Variants in MAPKAPK2 observed in about 807,000 individuals in gnomAD.
MAPKAPK2 encodes MAP kinase-activated protein kinase 2.
A neutral mutation model predicts 48.8 loss-of-function variants in MAPKAPK2; 9 were observed. The ratio of observed to expected loss-of-function variants is 0.18; its 90% CI spans 0.11 to 0.32. The LOEUF is 0.32. Ranked by LOEUF, MAPKAPK2 falls within the 10% of genes least tolerant of loss-of-function variation. The pLI is 1.00. For missense variants in MAPKAPK2, 331 were observed against 498.3 expected, an observed-to-expected ratio of 0.66 and a Z score of 3.20; for synonymous variants, 202 against 190.6, an observed-to-expected ratio of 1.06 and a Z score of -0.49.
At chr1:206,685,728 C>T (rs1165185066) in intron 1 of MAPKAPK2, among the ~76,000 whole-genome samples, 5 of 150,932 alleles carry the variant, frequency 3.3e-5, no homozygotes, top group Non-Finnish European at 5.9e-5. Context: ...CGGGCGGGAG[C>T]CCTGGGACCC....
Position 206,732,819 on chromosome 1 carries a change from C to T in MAPKAPK2, c.*101C>T, listed in dbSNP as rs1202833242. The T allele has an allele frequency of 1.0e-5, 14 of 1,352,932 alleles. No homozygotes were observed. Among genetic ancestry groups the T allele is most frequent in the Non-Finnish European group, 1.4e-5 (14 of 981,748 alleles). 83.8% of individuals were successfully genotyped at this position (1,352,932 alleles called of 1,614,324 possible). On this transcript the variant is annotated 3_prime_UTR_variant, in exon 10 of 10. Coordinates refer to ENST00000367103, the MANE Select transcript of MAPKAPK2 (RefSeq NM_032960.4). The surrounding 1 kb of genome is among the most constrained non-coding windows in gnomAD (Gnocchi z 4.4). ...GAACTGTCCACATCTGCCTCCTCTC[C>T]TCCTCAGCTGCATGGAGCCTGGAAC...
At chr1:206,720,849 A>G (rs911819987) in intron 1 of MAPKAPK2, among the ~76,000 whole-genome samples, 4 of 152,224 alleles carry the variant, frequency 2.6e-5, no homozygotes, top group Admixed American at 6.5e-5. Flanking sequence ...AATGACAGTG[A>G]TGATACCTGA....
At chr1:206,697,591 C>T (rs1553427251) in intron 1 of MAPKAPK2, among the ~76,000 whole-genome samples, 4 of 152,176 alleles carry the variant, frequency 2.6e-5, no homozygotes, top group African/African-American at 9.6e-5. Context: ...GAACTCAGAG[C>T]GAGAACTCAC....
At position 206,733,603 on chromosome 1, in the gene MAPKAPK2, C is replaced by G. The variant is rs1674010787; in HGVS notation, c.*885C>G. 6.6e-6 allele frequency: 1 copy of G among 152,538 alleles called. No homozygotes were observed. Among genetic ancestry groups the G allele is most frequent in the African/African-American group, 2.4e-5 (1 of 41,452 alleles). The allele number at this position is 152,538 out of a possible 1,614,324, so 9.4% of individuals were successfully genotyped here. A position where few individuals can be genotyped will look rare whatever the true frequency, so the allele number is the denominator to read the frequency against. ...CCCAGCCCCCAGGGCCCCCCTCCCC[C>G]CACTTAGTGCTGGTCCTAGGTCCTC... On this transcript the variant is annotated 3_prime_UTR_variant, in exon 10 of 10. Coordinates refer to ENST00000367103, the MANE Select transcript of MAPKAPK2 (RefSeq NM_032960.4).
In MAPKAPK2 at chr1:206,731,954, T is replaced by G; in HGVS notation, c.1059+35T>G. On this transcript the variant is annotated intron_variant, in intron 9 of 9. Coordinates refer to ENST00000367103, the MANE Select transcript of MAPKAPK2 (RefSeq NM_032960.4). This position sits in a 1 kb window ranked among gnomAD's most constrained non-coding sequence, Gnocchi z 5.9. Reference sequence around the variant, plus strand: ...ACCACTGGGTGAGAGGGGCTCCAGGTGGGGTGGGCGGCTTGCGGGGAGTGC... The same window carrying G: ...ACCACTGGGTGAGAGGGGCTCCAGGGGGGGTGGGCGGCTTGCGGGGAGTGC... 2 of 1,613,610 alleles carry G rather than the reference T, an allele frequency of 1.2e-6. No homozygotes were observed. Among genetic ancestry groups the G allele is most frequent in the Non-Finnish European group, 1.7e-6 (2 of 1,179,860 alleles).
intron 1 of MAPKAPK2, among the ~76,000 whole-genome samples, chr1:206,700,263 G>C (rs182437732): frequency 6.6e-6 from 1 of 152,230 alleles, no homozygotes; most frequent in Admixed American, 6.5e-5. Context: ...AACCTTGAGA[G>C]AGAATCCTCT....
At chr1:206,715,420 T>C (rs782162051) in intron 1 of MAPKAPK2, among the ~76,000 whole-genome samples, 2 of 152,210 alleles carry the variant, frequency 1.3e-5, no homozygotes, top group Non-Finnish European at 2.9e-5. Context: ...CATCCTTTAC[T>C]GTCTCAGCTC....
rs1553433018 is a variant in MAPKAPK2 at position 206,732,995 on chromosome 1, G to A, written c.*277G>A. On this transcript the variant is annotated 3_prime_UTR_variant, in exon 10 of 10. Transcript: ENST00000367103. The surrounding 1 kb of genome is among the most constrained non-coding windows in gnomAD (Gnocchi z 4.4). Reference sequence around the variant, plus strand: ...CAGTAATTTGACTTAGAGTTTTTACGAAACCTCTTTTGTTGTCCTTGCCCC... The same window carrying A: ...CAGTAATTTGACTTAGAGTTTTTACAAAACCTCTTTTGTTGTCCTTGCCCC... 4 of 422,180 alleles carry A rather than the reference G, an allele frequency of 9.5e-6. No individual in the cohort carries two copies. The highest frequency in any genetic ancestry group is 4.0e-5 in the African/African-American group (2 of 49,914). The allele number at this position is 422,180 out of a possible 1,614,324, so 26.2% of individuals were successfully genotyped here.
chr1:206,689,273 G>A (rs565441277), intron 1 of MAPKAPK2, among the ~76,000 whole-genome samples: 2 of 152,126 alleles, frequency 1.3e-5, no homozygotes, highest in South Asian at 2.1e-4. Flanking sequence ...GTGCCACTGC[G>A]ATGTGGCTTC....
In MAPKAPK2 at chr1:206,732,006, G is replaced by A; in HGVS notation, c.1059+87G>A. 1 of 1,614,092 alleles carries A rather than the reference G, an allele frequency of 6.2e-7. No individual in the cohort carries two copies. Among genetic ancestry groups the A allele is most frequent in the Admixed American group, 1.7e-5 (1 of 60,020 alleles). On this transcript the variant is annotated intron_variant, in intron 9 of 9. Transcript: ENST00000367103. The surrounding 1 kb of genome is among the most constrained non-coding windows in gnomAD (Gnocchi z 4.4). ...CAGGTGTGAGGCGTGGTGCTGGTAG[G>A]GGAGAGCTTGATTCTGCCTCTCTCA...
chr1:206,729,385 C>G lies in MAPKAPK2; in HGVS notation c.485-11C>G, dbSNP rs1553432313. The G allele has an allele frequency of 6.2e-7, 1 of 1,608,244 alleles. No individual in the cohort carries two copies. Among genetic ancestry groups the G allele is most frequent in the East Asian group, 2.2e-5 (1 of 44,850 alleles). ...CTTTCTTTCCCACTCACTCTTCCCT[C>G]CCCTCTACAGAAGCATCCGAAATCA... On this transcript the variant is annotated splice_polypyrimidine_tract_variant and intron_variant, in intron 3 of 9. Coordinates refer to ENST00000367103, the MANE Select transcript of MAPKAPK2 (RefSeq NM_032960.4).
At chr1:206,696,341 T>G in intron 1 of MAPKAPK2, 1 of 741,510 alleles carries the variant, frequency 1.3e-6, no homozygotes, top group South Asian at 1.5e-5. Context: ...GGACTGTAAA[T>G]CCCCTGAAAA....
intron 1 of MAPKAPK2, among the ~76,000 whole-genome samples, chr1:206,691,502 T>TATATATATATATATATATATATATATAA: frequency 7.5e-6 from 1 of 132,736 alleles, no homozygotes; most frequent in Non-Finnish European, 1.6e-5. Context: ...TATATATATA[T>TATATATATATATATATATATATATATAA]ATACACACAT....
chr1:206,727,053 C>T lies in MAPKAPK2; in HGVS notation c.280-1657C>T, dbSNP rs576990444. 3.3e-5 allele frequency among the ~76,000 whole-genome samples: 5 copies of T among 152,252 alleles called. No individual in the cohort carries two copies. The East Asian group carries it at 9.7e-4, about 29-fold the overall frequency. ...CTCTGCCTGTCCATTTCCTTCCCAG[C>T]ATGTCTCTTGGACACCCCAGCCCTC... On this transcript the variant is annotated intron_variant, in intron 1 of 9. Coordinates refer to ENST00000367103, the MANE Select transcript of MAPKAPK2 (RefSeq NM_032960.4).
intron 1 of MAPKAPK2, among the ~76,000 whole-genome samples, chr1:206,693,766 C>T (rs1398621343): frequency 3.3e-5 from 5 of 152,232 alleles, no homozygotes; most frequent in East Asian, 3.8e-4. Context: ...CCTGTTGCTA[C>T]GTTATATTCT....
chr1:206,705,558 C>T (rs1205966353), intron 1 of MAPKAPK2, among the ~76,000 whole-genome samples: 1 of 152,196 alleles, frequency 6.6e-6, no homozygotes, highest in African/African-American at 2.4e-5. Context: ...CTGCCTTCTC[C>T]TTTCCGATGG....
intron 1 of MAPKAPK2, among the ~76,000 whole-genome samples, chr1:206,700,388 A>G (rs1398974391): frequency 6.6e-6 from 1 of 152,036 alleles, no homozygotes; most frequent in Non-Finnish European, 1.5e-5. Context: ...CCTGATTCCC[A>G]CCTGGCATTT....
chr1:206,707,069 C>G (rs1572493100), intron 1 of MAPKAPK2, among the ~76,000 whole-genome samples: 2 of 152,172 alleles, frequency 1.3e-5, no homozygotes, highest in Admixed American at 1.3e-4. Flanking sequence ...CTTCTCTCTC[C>G]CACAGGTCTT....
chr1:206,696,531 C>T (rs1672629629), intron 1 of MAPKAPK2, among the ~76,000 whole-genome samples: 1 of 152,040 alleles, frequency 6.6e-6, no homozygotes, highest in Non-Finnish European at 1.5e-5. Flanking sequence ...AACAAGACCC[C>T]ATCTCTACAA....
Sources: allele counts gnomAD v4.1 joint callset (sites outside exome capture counted in the v4.1 genomes callset), GRCh38; gene constraint gnomAD v4.1.1; non-coding constraint Gnocchi (gnomAD v3.1); transcripts MANE v1.5; gene names NCBI Gene and HGNC (gene_info 2026-07-23, HGNC 2026-07-21).